Variants in EDIL3 observed in about 807,000 individuals in gnomAD.
The protein encoded by EDIL3 is EGF-like repeat and discoidin I-like domain-containing protein 3.
A neutral mutation model predicts 67.4 loss-of-function variants in EDIL3; 37 were observed. That is an observed-to-expected ratio of 0.55 (90% CI 0.42 to 0.72). The LOEUF (loss-of-function observed/expected upper bound fraction) is 0.72. Ranked by LOEUF, EDIL3 falls within the 30% of genes least tolerant of loss-of-function variation. The pLI, the probability that EDIL3 is intolerant of heterozygous loss-of-function variation, is 0.00. For missense variants in EDIL3, 527 were observed against 586.3 expected (o/e 0.90, Z 1.04); for synonymous variants, 195 against 196.3 (o/e 0.99, Z 0.05).
intron 8 of EDIL3, among the ~76,000 whole-genome samples, chr5:84,061,985 T>C (rs1287573616): frequency 6.6e-6 from 1 of 152,098 alleles, no homozygotes; most frequent in Non-Finnish European, 1.5e-5. Flanking sequence ...AGATTACTTC[T>C]ACCTTCTTGA....
At chr5:84,380,276 C>A (rs978374832) in intron 1 of EDIL3, among the ~76,000 whole-genome samples, 1 of 151,586 alleles carries the variant, frequency 6.6e-6, no homozygotes, top group African/African-American at 2.4e-5. Context: ...AGATGCTAAG[C>A]GTCTTCCTTA....
chr5:83,957,088 T>C (rs1156799612), intron 10 of EDIL3, among the ~76,000 whole-genome samples: 1 of 151,726 alleles, frequency 6.6e-6, no homozygotes, highest in Non-Finnish European at 1.5e-5. Context: ...ATGTATTTTT[T>C]GGAAATTGCT....
At chr5:84,358,592 CTTTTTT>C (rs756013675) in intron 1 of EDIL3, among the ~76,000 whole-genome samples, 233 of 94,508 alleles carry the variant, frequency 2.5e-3, no homozygotes, top group African/African-American at 8.6e-3. Flanking sequence ...CATTTTTATC[CTTTTTT>C]TTTTTTTTTT....
Position 84,064,819 on chromosome 5 carries a change from T to A in EDIL3, c.833A>T (p.Asn278Ile). Residue 278 changes from asparagine (N) to isoleucine (I), a missense_variant, in exon 8 of 11, where the codon AAC becomes ATC. This residue lies in a region of EDIL3 where 494 missense variants were observed against 522.5 expected (regional missense o/e 0.95). Transcript: ENST00000296591. ...DMVFRGNIDN[N>I]TPYANSFTPP... ...TGTGAAAGAGTTAGCATATGGAGTG[T>A]TGTTATCAATGTTTCCACGAAACAC... 2.5e-6 allele frequency: 4 copies of A among 1,612,104 alleles called. No homozygotes were observed. The highest frequency in any genetic ancestry group is 3.4e-6 in the Non-Finnish European group (4 of 1,179,184).
intron 1 of EDIL3, among the ~76,000 whole-genome samples, chr5:84,335,041 T>C (rs541127871): frequency 1.3e-5 from 2 of 152,198 alleles, no homozygotes; most frequent in African/African-American, 4.8e-5. Context: ...CATATTTCAC[T>C]AAACGCTTTA....
At chr5:83,949,912 A>G (rs1744388200) in intron 10 of EDIL3, among the ~76,000 whole-genome samples, 1 of 151,838 alleles carries the variant, frequency 6.6e-6, no homozygotes, top group South Asian at 2.1e-4. Context: ...CTATGCTAAC[A>G]TTGTGGTTTA....
chr5:84,115,191 A>T lies in EDIL3; in HGVS notation c.470-8361T>A, dbSNP rs1315260970. Among the ~76,000 whole-genome samples the T allele has an allele frequency of 7.9e-5, 12 of 152,218 alleles. 1 individual carries two copies. The highest frequency in any genetic ancestry group is 1.5e-4 in the Non-Finnish European group (10 of 68,038). On this transcript the variant is annotated intron_variant, in intron 5 of 10. Coordinates refer to ENST00000296591, the MANE Select transcript of EDIL3 (RefSeq NM_005711.5). ...TTTCTTCATATACTGGCAGGCTTAA[A>T]AATATATAAGAATCAGCTCTTGGAG...
chr5:84,119,232 T>TTTC (rs1241660562), intron 5 of EDIL3, among the ~76,000 whole-genome samples: 1 of 148,658 alleles, frequency 6.7e-6, no homozygotes, highest in Non-Finnish European at 1.5e-5. Flanking sequence ...TTTTTTTTTT[T>TTTC]TTTTCACAGA....
At chr5:84,381,418 T>C (rs1039872081) in intron 1 of EDIL3, among the ~76,000 whole-genome samples, 1 of 152,158 alleles carries the variant, frequency 6.6e-6, no homozygotes, top group African/African-American at 2.4e-5. Flanking sequence ...TAAAATTTAA[T>C]GGTCAGGTAA....
intron 2 of EDIL3, among the ~76,000 whole-genome samples, chr5:84,233,625 T>C (rs1288188694): frequency 6.6e-6 from 1 of 152,202 alleles, no homozygotes; most frequent in Non-Finnish European, 1.5e-5. Flanking sequence ...ACTAAATCTG[T>C]TCCCTTTTCT....
intron 3 of EDIL3, among the ~76,000 whole-genome samples, chr5:84,229,605 C>T (rs1006683345): frequency 2.6e-5 from 4 of 151,988 alleles, no homozygotes; most frequent in Non-Finnish European, 5.9e-5. Context: ...TGTCAATGTG[C>T]TATTTTGTAT....
Position 84,160,096 on chromosome 5 carries a change from G to T in EDIL3, c.355+20297C>A, listed in dbSNP as rs527655836. On this transcript the variant is annotated intron_variant, in intron 4 of 10. Coordinates refer to ENST00000296591, the MANE Select transcript of EDIL3 (RefSeq NM_005711.5). ...ATAATAGTCACATTGTGATAAAAGG[G>T]TTCTGCTTTGTAGAACTACTACTCC... is the stretch of plus-strand genomic sequence containing the variant. 3.9e-5 allele frequency among the ~76,000 whole-genome samples: 6 copies of T among 152,208 alleles called. No homozygotes were observed. In the South Asian group the frequency reaches 1.2e-3, roughly 32 times the overall value.
At chr5:84,247,793 T>C (rs1744939288) in intron 2 of EDIL3, among the ~76,000 whole-genome samples, 1 of 151,988 alleles carries the variant, frequency 6.6e-6, no homozygotes, top group Non-Finnish European at 1.5e-5. Flanking sequence ...ATATATATAT[T>C]TGGAAATGAG....
At chr5:84,264,556 G>A (rs1458318413) in intron 1 of EDIL3, among the ~76,000 whole-genome samples, 4 of 152,028 alleles carry the variant, frequency 2.6e-5, no homozygotes, top group Non-Finnish European at 5.9e-5. Context: ...GTGTGATGAG[G>A]GTCGACAGCA....
At chr5:84,147,366 T>C (rs1055560817) in intron 4 of EDIL3, among the ~76,000 whole-genome samples, 2 of 152,124 alleles carry the variant, frequency 1.3e-5, no homozygotes, top group African/African-American at 2.4e-5. Flanking sequence ...GGAACATGCA[T>C]GTACATATCT....
chr5:84,321,250 T>C (rs1746642977), intron 1 of EDIL3, among the ~76,000 whole-genome samples: 2 of 152,190 alleles, frequency 1.3e-5, no homozygotes, highest in Non-Finnish European at 2.9e-5. Context: ...TCTGTTATTT[T>C]GAAAATATCT....
chr5:84,362,075 C>G (rs909140768), intron 1 of EDIL3, among the ~76,000 whole-genome samples: 1 of 151,960 alleles, frequency 6.6e-6, no homozygotes, highest in Non-Finnish European at 1.5e-5. Context: ...CCCAAAAGAG[C>G]AGTAATGCCA....
At chr5:84,167,293 A>C (rs964610721) in intron 4 of EDIL3, among the ~76,000 whole-genome samples, 1 of 152,044 alleles carries the variant, frequency 6.6e-6, no homozygotes, top group Non-Finnish European at 1.5e-5. Context: ...AACTCTTCTA[A>C]GGAGTTTGAT....
intron 1 of EDIL3, among the ~76,000 whole-genome samples, chr5:84,333,963 T>C (rs1344982811): frequency 6.6e-6 from 1 of 152,042 alleles, no homozygotes; most frequent in East Asian, 1.9e-4. Flanking sequence ...TGTCTTCCTG[T>C]CCAGAAGGTC....
Sources: gnomAD v4.1 joint callset for allele counts (sites outside exome capture counted in the v4.1 genomes callset) on GRCh38, gnomAD v4.1.1 for gene constraint, gnomAD v4.1.1 regional missense constraint, MANE v1.5 for transcripts, NCBI Gene and HGNC (gene_info 2026-07-23, HGNC 2026-07-21) for gene names.